Variants in ADGRL1 observed in about 807,000 individuals in gnomAD.
ADGRL1 encodes the protein adhesion G protein-coupled receptor L1.
Under a neutral mutation model 148.9 loss-of-function variants are expected in ADGRL1, and 31 were observed. The ratio of observed to expected loss-of-function variants is 0.21; its 90% CI spans 0.16 to 0.28. ADGRL1 has a LOEUF of 0.28. ADGRL1 is among the 10% of genes least tolerant of loss of function. The pLI, the probability that ADGRL1 is intolerant of heterozygous loss-of-function variation, is 1.00. For missense variants in ADGRL1, 1,521 were observed against 2,058.8 expected (o/e 0.74, Z 5.05); for synonymous variants, 937 against 900.3 (o/e 1.04, Z -0.73).
intron 1 of ADGRL1, among the ~76,000 whole-genome samples, chr19:14,188,945 T>C (rs1011052574): frequency 6.6e-6 from 1 of 150,628 alleles, no homozygotes; most frequent in African/African-American, 2.4e-5. Flanking sequence ...AGACACGGGG[T>C]TTCACCATGT....
chr19:14,161,660 T>C lies in ADGRL1; in HGVS notation c.1196-34A>G, dbSNP rs779207220. On this transcript the variant is annotated intron_variant, in intron 5 of 22. Transcript: ENST00000361434. This position sits in a 1 kb window ranked among gnomAD's most constrained non-coding sequence, Gnocchi z 4.4. ...GGGATACGAGACAGGGTCATCCCCA[T>C]GCTCAGGGCCATGCCACAGTGTGCT... The C allele has an allele frequency of 1.5e-5, 20 of 1,329,688 alleles. No homozygotes were observed. In the East Asian group the frequency reaches 3.2e-4, roughly 21 times the overall value. The allele number at this position is 1,329,688 out of a possible 1,614,324, so 82.4% of individuals were successfully genotyped here. A position where few individuals can be genotyped will look rare whatever the true frequency, so the allele number is the denominator to read the frequency against.
chr19:14,152,726 A>T lies in ADGRL1; in HGVS notation c.3423+58T>A, dbSNP rs1183717506. On this transcript the variant is annotated intron_variant, in intron 19 of 22. Transcript: ENST00000361434. This position sits in a 1 kb window ranked among gnomAD's most constrained non-coding sequence, Gnocchi z 6.1. The stretch of plus-strand genomic sequence containing the variant: ...AGAAACCTAGGCCAAGCCACTCCCC[A>T]CCTCTCAGGCTCCAGGTTCCAACAC... 1.4e-5 allele frequency: 22 copies of T among 1,603,382 alleles called. No homozygotes were observed. Among genetic ancestry groups the T allele is most frequent in the Non-Finnish European group, 1.8e-5 (21 of 1,172,156 alleles).
At position 14,161,137 on chromosome 19, in the gene ADGRL1, G is replaced by A. The variant is rs1969324243; in HGVS notation, c.1510+175C>T. Among the ~76,000 whole-genome samples, 1 of 152,206 alleles carries A rather than the reference G, an allele frequency of 6.6e-6. No individual in the cohort carries two copies. The highest frequency in any genetic ancestry group is 1.5e-5 in the Non-Finnish European group (1 of 68,024). On this transcript the variant is annotated intron_variant, in intron 6 of 22. Transcript: ENST00000361434. The surrounding 1 kb of genome is among the most constrained non-coding windows in gnomAD (Gnocchi z 4.4). The stretch of plus-strand genomic sequence containing the variant: ...ACTCCCTGCAGGTTCTGCAGGTGGG[G>A]CCAGGGGCACTGAGTGGCTCCTGTG...
In ADGRL1 at chr19:14,162,537, C is replaced by T; in HGVS notation, c.1195+69G>A. 1 of 1,434,468 alleles carries T rather than the reference C, an allele frequency of 7.0e-7. No homozygotes were observed. The highest frequency in any genetic ancestry group is 1.4e-5 in the African/African-American group (1 of 71,616). The allele number at this position is 1,434,468 out of a possible 1,614,324, so 88.9% of individuals were successfully genotyped here. ...AGGATGGGGCTCCCCACTCTGGGAC[C>T]CAGGGGTGGGTGGGGGTGGAGGGGA... On this transcript the variant is annotated intron_variant, in intron 5 of 22. Transcript: ENST00000361434. The surrounding 1 kb of genome is among the most constrained non-coding windows in gnomAD (Gnocchi z 5.4).
intron 4 of ADGRL1, among the ~76,000 whole-genome samples, chr19:14,165,872 C>T (rs1297904495): frequency 3.9e-5 from 6 of 152,188 alleles, no homozygotes; most frequent in African/African-American, 1.4e-4. Context: ...AAAGGGATCC[C>T]TAAAGGCCAT....
chr19:14,163,372 C>T lies in ADGRL1; in HGVS notation c.429G>A (p.Leu143=), dbSNP rs1969604281. The T allele has an allele frequency of 4.4e-6, 7 of 1,587,424 alleles. No individual in the cohort carries two copies. The highest frequency in any genetic ancestry group is 5.1e-6 in the Non-Finnish European group (6 of 1,168,264). The change falls in exon 5 of 23, where the codon CTG becomes CTA. Residue 143 remains leucine (L), a synonymous_variant. Coordinates refer to ENST00000361434, the MANE Select transcript of ADGRL1 (RefSeq NM_014921.5). ...CTGACTCGTGTGTCGAGGTGGGCTC[C>T]AGCACCTTCTGCAGGGTCCCTGGGC... The part of the protein sequence containing the change: ...FVCPGTLQKV[L]EPTSTHESEH...
At chr19:14,195,362 G>A (rs1386401060) in intron 1 of ADGRL1, among the ~76,000 whole-genome samples, 11 of 152,144 alleles carry the variant, frequency 7.2e-5, no homozygotes, top group Non-Finnish European at 1.2e-4. Flanking sequence ...GCAACAGGAG[G>A]AGAAGCGGCT....
Position 14,155,487 on chromosome 19 carries a change from CCAGCAGGAA to C in ADGRL1, c.3157_3165del (p.Phe1053_Leu1055del). Reference sequence around the variant, plus strand: ...AGGAGGCCGAAAGCCCAGGTGAGGCCCAGCAGGAACAGCAGCGCGATGGCCCCCAGCGCC... The same window carrying C: ...AGGAGGCCGAAAGCCCAGGTGAGGCCCAGCAGCGCGATGGCCCCCAGCGCC... On this transcript the variant is annotated inframe_deletion, in exon 18 of 23. Transcript: ENST00000361434. The surrounding 1 kb of genome is among the most constrained non-coding windows in gnomAD (Gnocchi z 5.0). 1 of 1,613,974 alleles carries C rather than the reference CCAGCAGGAA, an allele frequency of 6.2e-7. No individual in the cohort carries two copies. The highest frequency in any genetic ancestry group is 8.5e-7 in the Non-Finnish European group (1 of 1,179,978).
intron 16 of ADGRL1, 112 bp downstream of exon 16, chr19:14,156,546 A>G (rs1968767278): frequency 4.8e-6 from 3 of 624,230 alleles, no homozygotes; most frequent in Non-Finnish European, 5.0e-6. Context: ...GTGTGGAGAG[A>G]GAGAGAGTGT....
chr19:14,180,882 A>G (rs1241522804), intron 2 of ADGRL1, among the ~76,000 whole-genome samples: 1 of 151,912 alleles, frequency 6.6e-6, no homozygotes, highest in Non-Finnish European at 1.5e-5. Flanking sequence ...CTTTTGATGT[A>G]ATAAACTGTG....
At chr19:14,163,979 C>A (rs1022103860) in intron 4 of ADGRL1, among the ~76,000 whole-genome samples, 1 of 151,808 alleles carries the variant, frequency 6.6e-6, no homozygotes, top group Non-Finnish European at 1.5e-5. Flanking sequence ...CTTCCTCCTG[C>A]AAAAATTGCA....
At chr19:14,166,977 G>A in intron 4 of ADGRL1, 2 of 1,606,574 alleles carry the variant, frequency 1.2e-6, no homozygotes, top group Non-Finnish European at 1.7e-6. Flanking sequence ...GTAGAACAAA[G>A]TGTGAGTTAG....
Position 14,170,797 on chromosome 19 carries a change from G to A in ADGRL1, c.285-6C>T. On this transcript the variant is annotated splice_polypyrimidine_tract_variant and splice_region_variant and intron_variant, in intron 3 of 22. Transcript: ENST00000361434. ...ACTGGGTGCGGTTGTTACACCTTCA[G>A]AGGAGAAACAGGGCATTGGGAAAGA... is the stretch of plus-strand genomic sequence containing the variant. 1 of 1,458,822 alleles carries A rather than the reference G, an allele frequency of 6.9e-7. No individual in the cohort carries two copies. The highest frequency in any genetic ancestry group is 9.6e-7 in the Non-Finnish European group (1 of 1,041,656). 90.4% of individuals were successfully genotyped at this position (1,458,822 alleles called of 1,614,324 possible).
rs529420766 is a variant in ADGRL1 at position 14,158,985 on chromosome 19, G to C, written c.2149+105C>G. On this transcript the variant is annotated intron_variant, in intron 11 of 22. Transcript: ENST00000361434. ...CAAATTTTACACTAGCATGAGAAAA[G>C]GTCAGCACCGCTGCCCTCTACAAAT... is the stretch of plus-strand genomic sequence containing the variant. The C allele has an allele frequency of 1.4e-5, 20 of 1,395,848 alleles. No homozygotes were observed. In the African/African-American group the frequency reaches 2.7e-4, roughly 19 times the overall value. The allele number at this position is 1,395,848 out of a possible 1,614,324, so 86.5% of individuals were successfully genotyped here. A position where few individuals can be genotyped will look rare whatever the true frequency, so the allele number is the denominator to read the frequency against.
chr19:14,152,022 G>C lies in ADGRL1; in HGVS notation c.3667+111C>G, dbSNP rs543834293. The C allele has an allele frequency of 1.0e-6, 1 of 967,104 alleles. No individual in the cohort carries two copies. The highest frequency in any genetic ancestry group is 1.7e-6 in the Non-Finnish European group (1 of 599,336). The allele number at this position is 967,104 out of a possible 1,614,324, so 59.9% of individuals were successfully genotyped here. ...TGTGTGTCGGGGGGTGGGGAAATGT[G>C]GGCATGGGGAGGCATCCCGAGTTCT... On this transcript the variant is annotated intron_variant, in intron 22 of 22. Coordinates refer to ENST00000361434, the MANE Select transcript of ADGRL1 (RefSeq NM_014921.5). This position sits in a 1 kb window ranked among gnomAD's most constrained non-coding sequence, Gnocchi z 6.1.
intron 1 of ADGRL1, among the ~76,000 whole-genome samples, chr19:14,187,667 G>C (rs1189748005): frequency 2.7e-5 from 4 of 148,702 alleles, no homozygotes; most frequent in East Asian, 2.0e-4. Context: ...GTGTTACCCC[G>C]CCGCCGCCAC....
At chr19:14,179,673 G>A (rs1424477997) in intron 2 of ADGRL1, among the ~76,000 whole-genome samples, 1 of 151,922 alleles carries the variant, frequency 6.6e-6, no homozygotes, top group African/African-American at 2.4e-5. Context: ...TTGGGAGGTC[G>A]AGGTGGGCGA....
chr19:14,193,398 G>T (rs1972071371), intron 1 of ADGRL1, among the ~76,000 whole-genome samples: 4 of 151,796 alleles, frequency 2.6e-5, no homozygotes, highest in African/African-American at 9.7e-5. Context: ...ACCAGCCTGA[G>T]CAACATAGTG....
chr19:14,198,246 C>T (rs1283318342), intron 1 of ADGRL1, among the ~76,000 whole-genome samples: 1 of 152,038 alleles, frequency 6.6e-6, no homozygotes, highest in East Asian at 1.9e-4. Context: ...GAGGTGGGAG[C>T]CATCGGGAAT....
Sources: gnomAD v4.1 joint callset for allele counts (sites outside exome capture counted in the v4.1 genomes callset) on GRCh38, gnomAD v4.1.1 for gene constraint, Gnocchi (gnomAD v3.1) non-coding constraint, MANE v1.5 for transcripts, NCBI Gene and HGNC (gene_info 2026-07-23, HGNC 2026-07-21) for gene names.